The following MYH15 variants were observed in gnomAD, a reference collection of about 807,000 sequenced individuals.
MYH15 encodes myosin heavy chain 15, also known as myosin-15.
Under a neutral mutation model 240.5 loss-of-function variants are expected in MYH15, and 227 were observed. That is an observed-to-expected ratio of 0.94 (90% CI 0.85 to 1.05). The LOEUF (loss-of-function observed/expected upper bound fraction) is 1.05, where lower values mean the gene tolerates loss of function less well. Ranked by LOEUF, MYH15 falls within the 50% of genes least tolerant of loss-of-function variation. The probability of loss-of-function intolerance (pLI) is 0.00; values close to 1 mark genes in which losing one functional copy is unlikely to be tolerated. For missense variants in MYH15, 2,217 were observed against 2,247.5 expected, an observed-to-expected ratio of 0.99 and a Z score of 0.27; for synonymous variants, 785 against 796.7, an observed-to-expected ratio of 0.99 and a Z score of 0.25.
chr3:108,484,025 G>A (rs991031566), intron 11 of MYH15, among the ~76,000 whole-genome samples: 2 of 152,130 alleles, frequency 1.3e-5, no homozygotes, highest in African/African-American at 4.8e-5. Context: ...ACAACAATGT[G>A]AATGTTCTTC....
the MYH15 span, among the ~76,000 whole-genome samples, chr3:108,540,872 T>C: frequency 6.6e-6 from 1 of 152,136 alleles, no homozygotes; most frequent in Non-Finnish European, 1.5e-5. Flanking sequence ...GTAGTTTTAG[T>C]GATTCTCTTG....
intron 19 of MYH15, 59 bp downstream of exon 19, chr3:108,456,707 A>T: frequency 8.0e-7 from 1 of 1,252,286 alleles, no homozygotes; most frequent in South Asian, 1.2e-5. Flanking sequence ...AACACTCGGA[A>T]AGGGAGGAAA....
rs1369552802 is a variant in MYH15, at chr3:108,470,681, T to C, written c.1383+17A>G. The C allele has an allele frequency of 1.1e-5, 18 of 1,612,088 alleles. No individual in the cohort carries two copies. Among genetic ancestry groups the C allele is most frequent in the Non-Finnish European group, 1.5e-5 (18 of 1,179,004 alleles). On this transcript the variant is annotated intron_variant, in intron 13 of 40. Coordinates refer to ENST00000693548, the MANE Select transcript of MYH15 (RefSeq NM_014981.3). ...TTATAAATATGCATTGACTTCCTTC[T>C]TACCAGATACACTTACCTCAAGGAT...
At chr3:108,415,374 T>C (rs1162874212) in intron 29 of MYH15, among the ~76,000 whole-genome samples, 4 of 152,164 alleles carry the variant, frequency 2.6e-5, no homozygotes, top group African/African-American at 7.2e-5. Context: ...ACACAATGAC[T>C]CTGAAAAGGA....
intron 3 of MYH15, among the ~76,000 whole-genome samples, chr3:108,500,861 C>G (rs1479352736): frequency 1.3e-5 from 2 of 152,088 alleles, no homozygotes; most frequent in Non-Finnish European, 2.9e-5. Flanking sequence ...AAGAGACACA[C>G]AGAGGAGAAG....
chr3:108,547,135 G>A, the MYH15 span, among the ~76,000 whole-genome samples: 1 of 151,810 alleles, frequency 6.6e-6, no homozygotes, highest in Admixed American at 6.6e-5. Flanking sequence ...TCACTACACT[G>A]CAGCCCGAGG....
chr3:108,484,489 ATT>A (rs1028198413), intron 11 of MYH15, among the ~76,000 whole-genome samples: 1 of 151,446 alleles, frequency 6.6e-6, no homozygotes, highest in Non-Finnish European at 1.5e-5. Flanking sequence ...ATTTTATTTT[ATT>A]TTTTTGAGAC....
At chr3:108,404,750 A>G (rs538851736) in intron 33 of MYH15, among the ~76,000 whole-genome samples, 1 of 152,332 alleles carries the variant, frequency 6.6e-6, no homozygotes, top group South Asian at 2.1e-4. Context: ...GCTCCTCTTC[A>G]AACAAATGGC....
chr3:108,414,236 C>T lies in MYH15; in HGVS notation c.4141G>A (p.Ala1381Thr), dbSNP rs888151612. ...GGATAGCCTTGCCCTACTCACTTGG[C>T]ATCCTCCAAGTCTTCTGTTCTCTGG... ...VIQRTEDLED[A>T]KKELAIRLQE... The change falls in exon 30 of 41, where the codon GCC becomes ACC. Residue 1381 changes from alanine to threonine, a missense_variant. Physicochemically the swap from Ala to Thr is moderately conservative, Grantham distance 58. Coordinates refer to ENST00000693548, the MANE Select transcript of MYH15 (RefSeq NM_014981.3). 5 of 1,613,570 alleles carry T rather than the reference C, an allele frequency of 3.1e-6. No homozygotes were observed. Among genetic ancestry groups the T allele is most frequent in the Non-Finnish European group, 4.2e-6 (5 of 1,179,644 alleles).
At chr3:108,487,103 T>A (rs1354112311) in intron 9 of MYH15, among the ~76,000 whole-genome samples, 1 of 152,168 alleles carries the variant, frequency 6.6e-6, no homozygotes, top group African/African-American at 2.4e-5. Context: ...CTGATATGTC[T>A]AAGAGTCCTG....
At chr3:108,487,736 A>G (rs955605641) in intron 9 of MYH15, among the ~76,000 whole-genome samples, 3 of 152,230 alleles carry the variant, frequency 2.0e-5, no homozygotes, top group African/African-American at 7.2e-5. Flanking sequence ...TGACAGTTTC[A>G]TACACACTCA....
At position 108,444,737 on chromosome 3, in the gene MYH15, T is replaced by G. The variant is rs1313755881; in HGVS notation, c.2558A>C (p.Lys853Thr). ...CTGAAACTCTGATTTCTCCAAGGCT[T>G]TCTGTAATTGTGCACACTCTTCCTT... is the stretch of plus-strand genomic sequence containing the variant. ...GLKEECAQLQ[K>T]ALEKSEFQRE... The change falls in exon 22 of 41, where the codon AAA becomes ACA. Residue 853 changes from lysine (K) to threonine (T), a missense_variant. Lys to Thr is a moderately conservative substitution (Grantham distance 78, BLOSUM62 -1). Transcript: ENST00000693548. 1 of 1,614,036 alleles carries G rather than the reference T, an allele frequency of 6.2e-7. No individual in the cohort carries two copies. Among genetic ancestry groups the G allele is most frequent in the Non-Finnish European group, 8.5e-7 (1 of 1,179,970 alleles).
At chr3:108,470,483 G>A (rs1453537979) in intron 13 of MYH15, among the ~76,000 whole-genome samples, 16 of 151,998 alleles carry the variant, frequency 1.1e-4, no homozygotes. Context: ...TTACCTTTAT[G>A]TAAGCCAGAA....
intron 21 of MYH15, among the ~76,000 whole-genome samples, chr3:108,451,689 A>G (rs2082975056): frequency 6.6e-6 from 1 of 152,188 alleles, no homozygotes; most frequent in African/African-American, 2.4e-5. Context: ...CTTGATTCAA[A>G]TTCAGATAAC....
Position 108,410,913 on chromosome 3 carries a change from A to T in MYH15, c.4165T>A (p.Leu1389Met). 3 of 1,602,236 alleles carry T rather than the reference A, an allele frequency of 1.9e-6. No individual in the cohort carries two copies. The highest frequency in any genetic ancestry group is 2.6e-6 in the Non-Finnish European group (3 of 1,170,720). The change falls in exon 31 of 41, where the codon TTG becomes ATG. Residue 1389 changes from leucine (L) to methionine (M), a missense_variant. Leu to Met is a conservative substitution (Grantham distance 15). Coordinates refer to ENST00000693548, the MANE Select transcript of MYH15 (RefSeq NM_014981.3). ...CCCATGGCTTCGGCTGCCTCCTGCA[A>T]TCTAATTGCCAGTTCCTTCCTGAGA... The part of the protein sequence containing the change: ...EDAKKELAIR[L>M]QEAAEAMGVA...
At chr3:108,484,985 T>C (rs1032055212) in intron 11 of MYH15, 106 bp downstream of exon 11, 6 of 1,205,790 alleles carry the variant, frequency 5.0e-6, no homozygotes, top group Non-Finnish European at 7.0e-6. Flanking sequence ...AGGGAGACAC[T>C]ATTGATTAAT....
At chr3:108,539,225 TTGAG>T in the MYH15 span, among the ~76,000 whole-genome samples, 4 of 152,196 alleles carry the variant, frequency 2.6e-5, no homozygotes, top group Non-Finnish European at 4.4e-5. Flanking sequence ...TCTCATATTA[TTGAG>T]TGAAAGACAC....
At chr3:108,546,864 C>A in the MYH15 span, among the ~76,000 whole-genome samples, 1 of 152,074 alleles carries the variant, frequency 6.6e-6, no homozygotes, top group African/African-American at 2.4e-5. Context: ...TCTTCGATGA[C>A]AGGAAGAAAG....
intron 21 of MYH15, among the ~76,000 whole-genome samples, chr3:108,447,760 AC>A (rs931897406): frequency 2.6e-5 from 4 of 152,128 alleles, no homozygotes; most frequent in African/African-American, 7.2e-5. Flanking sequence ...ATGCTAACTA[AC>A]CACACAAAAA....
Sources: allele counts gnomAD v4.1 joint callset (sites outside exome capture counted in the v4.1 genomes callset), GRCh38; gene constraint gnomAD v4.1.1; transcripts MANE v1.5; gene names NCBI Gene and HGNC (gene_info 2026-07-23, HGNC 2026-07-21).